The following CLVS1 variants were observed in gnomAD, a reference collection of about 807,000 sequenced individuals.
CLVS1 encodes the protein clavesin-1.
CLVS1 carries 10 observed loss-of-function variants against 33.1 expected under a neutral mutation model. The ratio of observed to expected loss-of-function variants is 0.30; its 90% CI spans 0.19 to 0.51. The LOEUF (loss-of-function observed/expected upper bound fraction) is 0.51. Among genes scored for constraint, CLVS1 ranks in the 20% least tolerant of loss-of-function variants. CLVS1 has a pLI of 0.97. For synonymous variants in CLVS1, 163 were observed against 166.1 expected (o/e 0.98, Z 0.14); for missense variants, 343 against 433.4 (o/e 0.79, Z 1.85).
intron 2 of CLVS1, among the ~76,000 whole-genome samples, chr8:61,174,149 T>C (rs924325745): frequency 1.3e-5 from 2 of 152,104 alleles, no homozygotes; most frequent in Non-Finnish European, 2.9e-5. Flanking sequence ...AAACAAAAAA[T>C]ATCACTCAAC....
intron 1 of CLVS1, among the ~76,000 whole-genome samples, chr8:61,118,630 C>G (rs1488069574): frequency 6.6e-6 from 1 of 151,494 alleles, no homozygotes; most frequent in Admixed American, 6.6e-5. Context: ...TCGTTATGTA[C>G]CCAGTAGTCA....
chr8:61,265,212 C>T (rs1336315225), intron 2 of CLVS1, among the ~76,000 whole-genome samples: 1 of 152,200 alleles, frequency 6.6e-6, no homozygotes, highest in Non-Finnish European at 1.5e-5. Flanking sequence ...TACTTCCCAT[C>T]AAGGCTTATT....
intron 2 of CLVS1, among the ~76,000 whole-genome samples, chr8:61,302,873 G>A (rs763384666): frequency 1.1e-4 from 17 of 152,170 alleles, no homozygotes; most frequent in Non-Finnish European, 4.4e-5. Flanking sequence ...TCTTCACATA[G>A]TGGAGCAGGA....
chr8:61,068,819 C>T (rs907273360), intron 1 of CLVS1, among the ~76,000 whole-genome samples: 7 of 152,182 alleles, frequency 4.6e-5, no homozygotes, highest in African/African-American at 1.2e-4. Context: ...ACACACCTCC[C>T]GGGGTCTCTC....
At chr8:61,211,414 C>A (rs1317251741) in intron 2 of CLVS1, among the ~76,000 whole-genome samples, 1 of 151,040 alleles carries the variant, frequency 6.6e-6, no homozygotes, top group Non-Finnish European at 1.5e-5. Context: ...TCCTCCTCCC[C>A]CTACTCTTCC....
At chr8:61,224,194 C>T (rs539958761) in intron 2 of CLVS1, among the ~76,000 whole-genome samples, 27 of 152,062 alleles carry the variant, frequency 1.8e-4, no homozygotes, top group Non-Finnish European at 3.4e-4. Context: ...CTCCTCCGTC[C>T]AGTTCTGCCC....
At chr8:61,407,127 G>A (rs1323099497) in intron 3 of CLVS1, among the ~76,000 whole-genome samples, 2 of 152,142 alleles carry the variant, frequency 1.3e-5, no homozygotes, top group Admixed American at 6.5e-5. Flanking sequence ...TCCCACAAGG[G>A]GAATTCCTCA....
chr8:61,415,323 G>A lies in CLVS1; in HGVS notation c.630+38544G>A, dbSNP rs79485055. 3.7e-3 allele frequency among the ~76,000 whole-genome samples: 565 copies of A among 152,316 alleles called. 11 individuals are homozygous for A. The East Asian group carries it at 0.072, about 19-fold the overall frequency. Reference sequence around the variant, plus strand: ...GCATAGCCCCATGCTAGAAGCTGGGGCACCTGCCCTGGAGGTCACAGCATC... The same window carrying A: ...GCATAGCCCCATGCTAGAAGCTGGGACACCTGCCCTGGAGGTCACAGCATC... On this transcript the variant is annotated intron_variant, in intron 3 of 5. Transcript: ENST00000325897.
intron 2 of CLVS1, among the ~76,000 whole-genome samples, chr8:61,249,185 C>G (rs1808881943): frequency 6.6e-6 from 1 of 152,034 alleles, no homozygotes; most frequent in African/African-American, 2.4e-5. Flanking sequence ...GTTTTCTGTC[C>G]CAGTGTTAAT....
chr8:61,164,149 T>C (rs1806808616), intron 2 of CLVS1, among the ~76,000 whole-genome samples: 1 of 152,216 alleles, frequency 6.6e-6, no homozygotes, highest in South Asian at 2.1e-4. Context: ...TACTACCTGA[T>C]TTGTCTGGCG....
the CLVS1 span, among the ~76,000 whole-genome samples, chr8:60,972,775 G>C: frequency 6.6e-6 from 1 of 152,150 alleles, no homozygotes; most frequent in Non-Finnish European, 1.5e-5. Flanking sequence ...CTAGCCCCAT[G>C]CCCATCAAGC....
intron 2 of CLVS1, among the ~76,000 whole-genome samples, chr8:61,205,726 C>A (rs1249412520): frequency 2.0e-5 from 3 of 152,166 alleles, no homozygotes; most frequent in Admixed American, 1.3e-4. Flanking sequence ...CTCCCACCAG[C>A]AATGCACAAA....
the CLVS1 span, among the ~76,000 whole-genome samples, chr8:61,048,565 G>A: frequency 6.6e-6 from 1 of 152,212 alleles, no homozygotes; most frequent in African/African-American, 2.4e-5. Flanking sequence ...TCCCTCAGCT[G>A]ATGGGAGCAG....
intron 3 of CLVS1, among the ~76,000 whole-genome samples, chr8:61,400,231 C>T (rs1814696517): frequency 6.6e-6 from 1 of 152,122 alleles, no homozygotes; most frequent in African/African-American, 2.4e-5. Flanking sequence ...TTGTACCTGT[C>T]CTTGAAGAGG....
chr8:61,111,477 G>A (rs1384270448), intron 1 of CLVS1, among the ~76,000 whole-genome samples: 1 of 152,158 alleles, frequency 6.6e-6, no homozygotes, highest in Non-Finnish European at 1.5e-5. Flanking sequence ...GGAATGGAAA[G>A]GAAACTGAAA....
chr8:61,292,426 G>A (rs1230883806), intron 1 of CLVS1: 1 of 455,864 alleles, frequency 2.2e-6, no homozygotes, highest in Non-Finnish European at 4.4e-6. Flanking sequence ...GTGGAAAAGG[G>A]GGCAAATAGA....
chr8:61,203,474 G>T (rs1807780115), intron 2 of CLVS1, among the ~76,000 whole-genome samples: 1 of 152,084 alleles, frequency 6.6e-6, no homozygotes, highest in African/African-American at 2.4e-5. Flanking sequence ...AGTAGTAGCG[G>T]TGGTCAGACA....
intron 2 of CLVS1, among the ~76,000 whole-genome samples, chr8:61,355,929 A>T (rs952078050): frequency 2.0e-5 from 3 of 152,230 alleles, no homozygotes; most frequent in African/African-American, 7.2e-5. Flanking sequence ...GTGTATACCC[A>T]GTAATGGGAT....
upstream of CLVS1, among the ~76,000 whole-genome samples, chr8:61,056,924 G>A (rs946197586): frequency 4.6e-5 from 7 of 152,172 alleles, no homozygotes; most frequent in African/African-American, 1.7e-4. Context: ...GAAAGGTAAA[G>A]CGCCAGGGCC....
Sources: gnomAD v4.1 joint callset for allele counts (sites outside exome capture counted in the v4.1 genomes callset) on GRCh38, gnomAD v4.1.1 for gene constraint, MANE v1.5 for transcripts, NCBI Gene and HGNC (gene_info 2026-07-23, HGNC 2026-07-21) for gene names.